The following EFCAB10 variants were observed in gnomAD, a reference collection of about 807,000 sequenced individuals.
EFCAB10 encodes EF-hand calcium binding domain 10.
In EFCAB10, 7 loss-of-function variants were observed where a neutral mutation model predicts 7.7. That is an observed-to-expected ratio of 0.91 (90% CI 0.52 to 1.72). The LOEUF (loss-of-function observed/expected upper bound fraction) is 1.72, where lower values mean the gene tolerates loss of function less well. EFCAB10 is among the 40% of genes most tolerant of loss of function. EFCAB10 has a pLI of 0.00. For synonymous variants in EFCAB10, 52 were observed against 21.0 expected (o/e 2.47, Z -4.03); for missense variants, 112 against 61.5 (o/e 1.82, Z -2.74).
chr7:105,574,821 C>T lies in EFCAB10; in HGVS notation c.107-5250G>A, dbSNP rs375391385. On this transcript the variant is annotated intron_variant, in intron 1 of 4. Coordinates refer to ENST00000480514, the MANE Select transcript of EFCAB10 (RefSeq NM_001355526.2). ...TTTAAAACCATCGGATCAGGTCAGG[C>T]GCAGTGGCTCACACCTGTAGCTTCA... Among the ~76,000 whole-genome samples, 57 of 151,092 alleles carry T rather than the reference C, an allele frequency of 3.8e-4. 1 individual carries two copies. In the South Asian group the frequency reaches 4.2e-3, roughly 11 times the overall value.
At chr7:105,577,162 A>G (rs1157488453) in intron 1 of EFCAB10, among the ~76,000 whole-genome samples, 1 of 152,182 alleles carries the variant, frequency 6.6e-6, no homozygotes, top group Non-Finnish European at 1.5e-5. Context: ...CCCTTCCACC[A>G]AAGAGAATTT....
At position 105,565,621 on chromosome 7, in the gene EFCAB10, G is replaced by A. The variant is rs201892348; in HGVS notation, c.*-174C>T. ...CTTTTCCCTTTGTTTTCTCACTATT[G>A]CAAGAGACCAGAAAATTATTTTAAA... is the stretch of plus-strand genomic sequence containing the variant. On this transcript the variant is annotated intron_variant, in intron 4 of 4. Coordinates refer to ENST00000480514, the MANE Select transcript of EFCAB10 (RefSeq NM_001355526.2). 83 of 1,610,564 alleles carry A rather than the reference G, an allele frequency of 5.2e-5. No homozygotes were observed. Among genetic ancestry groups the A allele is most frequent in the Admixed American group, 6.7e-5 (4 of 59,780 alleles).
chr7:105,570,268 T>TACAC (rs1554369774), intron 1 of EFCAB10, among the ~76,000 whole-genome samples: 63 of 66,420 alleles, frequency 9.5e-4, no homozygotes, highest in East Asian at 1.5e-3. Context: ...TATATATATA[T>TACAC]ACACACACAC....
chr7:105,571,264 T>C (rs1791942874), intron 1 of EFCAB10: 1 of 152,192 alleles, frequency 6.6e-6, no homozygotes, highest in Non-Finnish European at 1.5e-5. Context: ...AGTTGGTTCA[T>C]TTTATGCAAT....
chr7:105,567,611 C>T (rs746150202), intron 3 of EFCAB10, 121 bp from the exon 4 acceptor site: 1 of 561,882 alleles, frequency 1.8e-6, no homozygotes, highest in East Asian at 2.9e-5. Context: ...TTTCAATTTC[C>T]TGTGCTAATT....
Position 105,569,458 on chromosome 7 carries a change from T to C in EFCAB10, c.220A>G (p.Met74Val), listed in dbSNP as rs1427822340. The change falls in exon 2 of 5, where the codon ATG (methionine) becomes GTG (valine). Residue 74 changes from methionine to valine, a missense_variant. Coordinates refer to ENST00000480514, the MANE Select transcript of EFCAB10 (RefSeq NM_001355526.2). ...DNSNIVAMFE[M>V]MDSSGRGTIS... ...GTGCCTCTGCCTGAGGAGTCCATCA[T>C]CTCAAACATAGCCACAATGTTAGAG... The C allele has an allele frequency of 1.4e-6, 1 of 703,136 alleles. No homozygotes were observed. The highest frequency in any genetic ancestry group is 2.0e-5 in the Admixed American group (1 of 50,006). The allele number at this position is 703,136 out of a possible 1,614,324, so 43.6% of individuals were successfully genotyped here.
At position 105,568,554 on chromosome 7, in the gene EFCAB10, C is replaced by T. The variant is rs141932303; in HGVS notation, c.359+649G>A. Among the ~76,000 whole-genome samples the T allele has an allele frequency of 3.9e-4, 60 of 152,128 alleles. No homozygotes were observed. In the East Asian group the frequency reaches 0.012, roughly 29 times the overall value. On this transcript the variant is annotated intron_variant, in intron 3 of 4. Coordinates refer to ENST00000480514, the MANE Select transcript of EFCAB10 (RefSeq NM_001355526.2). ...GTATGTATTTTATAGAGAGAGTTTC[C>T]AGCTAGTGTGTTGAGCTCAAAATGT...
intron 1 of EFCAB10, among the ~76,000 whole-genome samples, chr7:105,574,934 TAA>T (rs1209254689): frequency 0.013 from 1,355 of 103,516 alleles, 18 homozygotes; most frequent in African/African-American, 0.043. Flanking sequence ...TATCCCTACT[TAA>T]AAAAAAAAAA....
Position 105,581,431 on chromosome 7 carries a change from C to T in EFCAB10, c.33G>A (p.Ala11=), listed in dbSNP as rs1337570289. 5 of 703,004 alleles carry T rather than the reference C, an allele frequency of 7.1e-6. No homozygotes were observed. Among genetic ancestry groups the T allele is most frequent in the Admixed American group, 2.0e-5 (1 of 49,992 alleles). 43.5% of individuals were successfully genotyped at this position (703,004 alleles called of 1,614,324 possible). ...TGATCTGATGCTTTTCCAAATACTC[C>T]GCGGCTTGGAGCTCCCTGCTGCTGG... The part of the protein sequence containing the change: METSSRELQA[A]EYLEKHQIKE... The change falls in exon 1 of 5, where the codon GCG becomes GCA. Residue 11 remains alanine, a synonymous_variant. Transcript: ENST00000480514.
intron 1 of EFCAB10, among the ~76,000 whole-genome samples, chr7:105,575,187 G>C (rs1428933314): frequency 6.6e-6 from 1 of 151,474 alleles, no homozygotes; most frequent in African/African-American, 2.4e-5. Flanking sequence ...GCATGGGAAA[G>C]ACTTGGCCCC....
intron 3 of EFCAB10, 28 bp from the exon 4 acceptor site, chr7:105,567,518 CA>C: frequency 1.4e-6 from 1 of 689,658 alleles, no homozygotes; most frequent in East Asian, 2.7e-5. Context: ...GAAAACGAAA[CA>C]ATGAAAACTC....
chr7:105,569,551 T>A lies in EFCAB10; in HGVS notation c.127A>T (p.Ile43Leu). The change falls in exon 2 of 5, where the codon ATA becomes TTA. Residue 43 changes from isoleucine (I) to leucine (L), a missense_variant. By Grantham distance (5) the Ile-to-Leu change is conservative (BLOSUM62 2). Transcript: ENST00000480514. Reference protein sequence around the residue: ...FRPEKPKEYLISLLERLRIAK... With the variant: ...FRPEKPKEYLLSLLERLRIAK... ...ATTCTCAGTCGTTCCAATAGAGATA[T>A]TAAATATTCTTTTGGTTTTTCTGCA... 1.4e-6 allele frequency: 1 copy of A among 692,662 alleles called. No individual in the cohort carries two copies. The highest frequency in any genetic ancestry group is 2.6e-6 in the Non-Finnish European group (1 of 382,612). The allele number at this position is 692,662 out of a possible 1,614,324, so 42.9% of individuals were successfully genotyped here.
intron 3 of EFCAB10, among the ~76,000 whole-genome samples, chr7:105,568,953 GAA>G (rs55730992): frequency 1.3e-3 from 162 of 121,712 alleles, no homozygotes; most frequent in African/African-American, 3.0e-3. Context: ...CCATCTCAGG[GAA>G]AAAAAAAAAA....
At chr7:105,580,031 T>A (rs1053392490) in intron 1 of EFCAB10, among the ~76,000 whole-genome samples, 1 of 152,140 alleles carries the variant, frequency 6.6e-6, no homozygotes, top group African/African-American at 2.4e-5. Flanking sequence ...TTTTACTCTG[T>A]CACCTGGCTT....
At chr7:105,569,386 C>T (rs1364641714) in intron 2 of EFCAB10, 21 bp downstream of exon 2, 1 of 696,236 alleles carries the variant, frequency 1.4e-6, no homozygotes, top group East Asian at 2.7e-5. Flanking sequence ...ACTATTACCT[C>T]AATTTGTAGA....
intron 4 of EFCAB10, chr7:105,566,471 AACATAGCAAG>A (rs1791748813): frequency 6.6e-6 from 1 of 152,322 alleles, no homozygotes; most frequent in Non-Finnish European, 1.5e-5. Flanking sequence ...CAGCCTGGGC[AACATAGCAAG>A]ACTCCATCTC....
At chr7:105,566,818 T>TA (rs1791773500) in intron 4 of EFCAB10, 2 of 180,884 alleles carry the variant, frequency 1.1e-5, no homozygotes, top group African/African-American at 4.7e-5. Flanking sequence ...TCCCATGTTC[T>TA]AATCTACCTA....
intron 3 of EFCAB10, 120 bp downstream of exon 3, chr7:105,569,083 G>C (rs957014754): frequency 9.4e-6 from 6 of 635,610 alleles, no homozygotes; most frequent in Admixed American, 2.8e-5. Flanking sequence ...CCAGTCAGCT[G>C]AAAGTTTCAA....
rs181272471 is a variant in EFCAB10, at chr7:105,567,367, T to C, written c.383+100A>G. The C allele has an allele frequency of 3.6e-4, 433 of 1,210,250 alleles. No individual in the cohort carries two copies. The African/African-American group carries it at 5.9e-3, about 17-fold the overall frequency. The allele number at this position is 1,210,250 out of a possible 1,614,324, so 75.0% of individuals were successfully genotyped here. A position where few individuals can be genotyped will look rare whatever the true frequency, so the allele number is the denominator to read the frequency against. ...TGTTTCTAAGAAAGAGGAAGCCAAT[T>C]GGATTTCAAGTTATATGATGAAATT... On this transcript the variant is annotated intron_variant, in intron 4 of 4. Transcript: ENST00000480514.
Sources: gnomAD v4.1 joint callset for allele counts (sites outside exome capture counted in the v4.1 genomes callset) on GRCh38, gnomAD v4.1.1 for gene constraint, MANE v1.5 for transcripts, NCBI Gene and HGNC (gene_info 2026-07-23, HGNC 2026-07-21) for gene names.